EXOC4: variants seen among roughly 807,000 people sequenced by gnomAD.
EXOC4 encodes SEC8-like 1.
In EXOC4, 71 loss-of-function variants were observed where a neutral mutation model predicts 107.2. The ratio of observed to expected loss-of-function variants is 0.66; its 90% CI spans 0.55 to 0.81. The LOEUF is 0.81. Ranked by LOEUF, EXOC4 falls within the 30% of genes least tolerant of loss-of-function variation. The probability of loss-of-function intolerance (pLI) is 0.00; values close to 1 mark genes in which losing one functional copy is unlikely to be tolerated. For synonymous variants in EXOC4, 456 were observed against 441.2 expected, an observed-to-expected ratio of 1.03 and a Z score of -0.42; for missense variants, 1,108 against 1,189.6, an observed-to-expected ratio of 0.93 and a Z score of 1.01.
At chr7:133,512,793 G>T (rs978402302) in intron 9 of EXOC4, among the ~76,000 whole-genome samples, 1 of 152,150 alleles carries the variant, frequency 6.6e-6, no homozygotes, top group African/African-American at 2.4e-5. Flanking sequence ...TTACATTAAG[G>T]TTGATCATTC....
rs530934168 is a variant in EXOC4 at position 134,019,107 on chromosome 7, T to C, written c.2687+11272T>C. On this transcript the variant is annotated intron_variant, in intron 17 of 17. Transcript: ENST00000253861. Reference sequence around the variant, plus strand: ...ACTACACCCGGCTAATTTTTGTATTTTTAGTAGAGATGGGGTTTCACCATG... The same window carrying C: ...ACTACACCCGGCTAATTTTTGTATTCTTAGTAGAGATGGGGTTTCACCATG... Among the ~76,000 whole-genome samples, 9 of 152,182 alleles carry C rather than the reference T, an allele frequency of 5.9e-5. No individual in the cohort carries two copies. In the South Asian group the frequency reaches 1.9e-3, roughly 32 times the overall value.
chr7:133,255,436 A>G (rs997417796), intron 1 of EXOC4, among the ~76,000 whole-genome samples: 1 of 152,070 alleles, frequency 6.6e-6, no homozygotes, highest in Non-Finnish European at 1.5e-5. Flanking sequence ...TGGCCTCCCA[A>G]AATGCTGGGA....
chr7:133,927,270 G>A (rs529864187), intron 13 of EXOC4, among the ~76,000 whole-genome samples: 1 of 152,124 alleles, frequency 6.6e-6, no homozygotes, highest in African/African-American at 2.4e-5. Flanking sequence ...AGTTTGTTTT[G>A]TTTTTGTCCT....
chr7:133,812,269 C>T (rs1443501445), intron 10 of EXOC4, among the ~76,000 whole-genome samples: 1 of 152,182 alleles, frequency 6.6e-6, no homozygotes, highest in Non-Finnish European at 1.5e-5. Flanking sequence ...TACTGTGTGC[C>T]GGTCTCTGTT....
chr7:133,899,057 A>G (rs1799390322), intron 12 of EXOC4, among the ~76,000 whole-genome samples: 1 of 151,804 alleles, frequency 6.6e-6, no homozygotes, highest in African/African-American at 2.4e-5. Flanking sequence ...ATAATATTAT[A>G]TTTTAAATTT....
chr7:133,817,255 T>C lies in EXOC4; in HGVS notation c.1515-70T>C. The stretch of plus-strand genomic sequence containing the variant: ...AAATAGCCAACACTAGATATACTCA[T>C]GTCCTCATGTCGTATTTATATAACA... On this transcript the variant is annotated intron_variant, in intron 10 of 17. Coordinates refer to ENST00000253861, the MANE Select transcript of EXOC4 (RefSeq NM_021807.4). The C allele has an allele frequency of 2.8e-6, 3 of 1,059,682 alleles. No individual in the cohort carries two copies. The South Asian group carries it at 4.2e-5, about 15-fold the overall frequency. The allele number at this position is 1,059,682 out of a possible 1,614,324, so 65.6% of individuals were successfully genotyped here.
intron 13 of EXOC4, among the ~76,000 whole-genome samples, chr7:133,918,637 T>C (rs1389081228): frequency 6.6e-6 from 1 of 152,250 alleles, no homozygotes; most frequent in Non-Finnish European, 1.5e-5. Flanking sequence ...CTTTGTTCAA[T>C]TTAAATTATT....
At chr7:133,853,386 A>G (rs1407756224) in intron 11 of EXOC4, among the ~76,000 whole-genome samples, 1 of 133,442 alleles carries the variant, frequency 7.5e-6, no homozygotes, top group Non-Finnish European at 1.6e-5. Flanking sequence ...ACACACACAC[A>G]CACACACACA....
chr7:133,768,008 T>C (rs1796173081), intron 10 of EXOC4: 1 of 151,944 alleles, frequency 6.6e-6, no homozygotes, highest in Non-Finnish European at 1.5e-5. Flanking sequence ...GTTGTGCTTA[T>C]CCATGAACTC....
chr7:134,072,790 T>G, the EXOC4 span, among the ~76,000 whole-genome samples: 1 of 152,192 alleles, frequency 6.6e-6, no homozygotes, highest in Non-Finnish European at 1.5e-5. Flanking sequence ...ATTAGTATTA[T>G]ATATACATAA....
At chr7:133,690,397 A>T (rs1169536606) in intron 10 of EXOC4, among the ~76,000 whole-genome samples, 2 of 152,210 alleles carry the variant, frequency 1.3e-5, no homozygotes, top group East Asian at 3.9e-4. Context: ...GCAGCTAAAA[A>T]TGTGCCTACA....
At chr7:133,697,074 G>A (rs1439077179) in intron 10 of EXOC4, among the ~76,000 whole-genome samples, 1 of 152,128 alleles carries the variant, frequency 6.6e-6, no homozygotes, top group Non-Finnish European at 1.5e-5. Context: ...TCCATCCCTG[G>A]TGATTCTCAT....
chr7:134,032,647 A>T (rs1795295580), intron 17 of EXOC4, among the ~76,000 whole-genome samples: 2 of 152,212 alleles, frequency 1.3e-5, no homozygotes, highest in African/African-American at 4.8e-5. Flanking sequence ...GGCCTCTCAG[A>T]CTGGACCTGG....
At position 133,302,666 on chromosome 7, in the gene EXOC4, A is replaced by G. The variant is rs76194784; in HGVS notation, c.472-3211A>G. Reference sequence around the variant, plus strand: ...TTGTCTGTTTAGTCTTTCATCTGCTATGTTTTATCCTGTAATTTTAATATA... The same window carrying G: ...TTGTCTGTTTAGTCTTTCATCTGCTGTGTTTTATCCTGTAATTTTAATATA... On this transcript the variant is annotated intron_variant, in intron 3 of 17. Coordinates refer to ENST00000253861, the MANE Select transcript of EXOC4 (RefSeq NM_021807.4). Among the ~76,000 whole-genome samples, 847 of 152,220 alleles carry G rather than the reference A, an allele frequency of 5.6e-3. 1 individual carries two copies. The highest frequency in any genetic ancestry group is 9.8e-3 in the African/African-American group (408 of 41,522).
intron 9 of EXOC4, among the ~76,000 whole-genome samples, chr7:133,511,156 A>G (rs189237447): frequency 3.5e-4 from 53 of 152,316 alleles, no homozygotes; most frequent in Admixed American, 2.8e-3. Flanking sequence ...TGAATTAAAC[A>G]ATAAAAAAGA....
chr7:133,809,362 A>G (rs2151204670), intron 10 of EXOC4, among the ~76,000 whole-genome samples: 1 of 152,340 alleles, frequency 6.6e-6, no homozygotes, highest in East Asian at 1.9e-4. Context: ...GACCGTGTGG[A>G]CTTACTTTTG....
At chr7:133,991,742 G>T (rs1264188684) in intron 14 of EXOC4, among the ~76,000 whole-genome samples, 2 of 152,088 alleles carry the variant, frequency 1.3e-5, no homozygotes, top group African/African-American at 4.8e-5. Flanking sequence ...TGGTGCCTTT[G>T]TCAAAATGAA....
chr7:133,749,410 TG>T (rs1795743695), intron 10 of EXOC4, among the ~76,000 whole-genome samples: 1 of 152,180 alleles, frequency 6.6e-6, no homozygotes, highest in African/African-American at 2.4e-5. Context: ...TCTTTTTTTT[TG>T]AGCCAGAGTC....
chr7:133,660,858 T>C (rs1803423472), intron 10 of EXOC4, among the ~76,000 whole-genome samples: 1 of 152,128 alleles, frequency 6.6e-6, no homozygotes, highest in Admixed American at 6.6e-5. Flanking sequence ...GGGAGAGAAC[T>C]GCTGTTTATT....
Sources: gnomAD v4.1 joint callset for allele counts (sites outside exome capture counted in the v4.1 genomes callset) on GRCh38, gnomAD v4.1.1 for gene constraint, MANE v1.5 for transcripts, NCBI Gene and HGNC (gene_info 2026-07-23, HGNC 2026-07-21) for gene names.